The following TNFRSF21 variants were observed in gnomAD, a reference collection of about 807,000 sequenced individuals.
TNFRSF21 encodes TNF receptor superfamily member 21, also known as tumor necrosis factor receptor superfamily member 21.
A neutral mutation model predicts 45.6 loss-of-function variants in TNFRSF21; 19 were observed. That is an observed-to-expected ratio of 0.42 (90% CI 0.29 to 0.61). TNFRSF21 has a LOEUF of 0.61. TNFRSF21 is among the 20% of genes least tolerant of loss of function. TNFRSF21 has a pLI of 0.23. For missense variants in TNFRSF21, 737 were observed against 851.5 expected, an observed-to-expected ratio of 0.87 and a Z score of 1.67; for synonymous variants, 314 against 335.5, an observed-to-expected ratio of 0.94 and a Z score of 0.70.
At chr6:47,296,089 T>A (rs1245218533) in intron 1 of TNFRSF21, among the ~76,000 whole-genome samples, 1 of 152,200 alleles carries the variant, frequency 6.6e-6, no homozygotes, top group Non-Finnish European at 1.5e-5. Flanking sequence ...GACTTCTGCA[T>A]ACATGAAGAA....
chr6:47,287,461 T>C (rs999534687), intron 1 of TNFRSF21, among the ~76,000 whole-genome samples: 1 of 152,118 alleles, frequency 6.6e-6, no homozygotes, highest in Non-Finnish European at 1.5e-5. Flanking sequence ...CTTGCCCTGT[T>C]CTTGTCTTTA....
At chr6:47,235,370 A>G (rs1047485274) in intron 4 of TNFRSF21, among the ~76,000 whole-genome samples, 1 of 152,096 alleles carries the variant, frequency 6.6e-6, no homozygotes, top group Admixed American at 6.5e-5. Context: ...GGTTGGCTAC[A>G]CTCCGATATA....
intron 4 of TNFRSF21, among the ~76,000 whole-genome samples, chr6:47,241,425 T>C (rs778618261): frequency 2.6e-5 from 4 of 152,344 alleles, no homozygotes; most frequent in Middle Eastern, 3.4e-3. Context: ...GTGTGAATTC[T>C]TGTTCAATTC....
chr6:47,253,586 C>T, intron 3 of TNFRSF21, 65 bp from the exon 4 acceptor site: 2 of 1,556,290 alleles, frequency 1.3e-6, no homozygotes, highest in Non-Finnish European at 1.7e-6. Flanking sequence ...CATAAGGCAG[C>T]TCTGCTTTAA....
intron 2 of TNFRSF21, 95 bp downstream of exon 2, chr6:47,285,849 G>A (rs533978347): frequency 6.8e-5 from 94 of 1,388,838 alleles, no homozygotes; most frequent in Non-Finnish European, 7.6e-5. Context: ...TGGAATACAC[G>A]AAATGGAGAA....
intron 3 of TNFRSF21, among the ~76,000 whole-genome samples, chr6:47,254,537 A>T (rs1266807209): frequency 6.6e-6 from 1 of 152,174 alleles, no homozygotes; most frequent in Non-Finnish European, 1.5e-5. Context: ...CATTTAGAAA[A>T]AGGGAAGCTG....
At chr6:47,296,131 C>T (rs1016752701) in intron 1 of TNFRSF21, among the ~76,000 whole-genome samples, 1 of 152,116 alleles carries the variant, frequency 6.6e-6, no homozygotes. Context: ...TATTTAGTCA[C>T]TAAGCAGTAA....
rs756711716 is a variant in TNFRSF21 at position 47,232,959 on chromosome 6, C to T, written c.1774G>A (p.Asp592Asn). The change falls in exon 6 of 6, where the codon GAC (aspartate) becomes AAC (asparagine). Residue 592 changes from aspartate to asparagine, a missense_variant. Physicochemically the swap from Asp to Asn is conservative, Grantham distance 23. Transcript: ENST00000296861. ...AAGATAGGCTGCAAGTCACAGGGGT[C>T]CAGGCGTACCTGCCGCAACACTGTG... ...KDTVLRQVRL[D>N]PCDLQPIFDD... The T allele has an allele frequency of 6.2e-7, 1 of 1,614,162 alleles. No homozygotes were observed. The highest frequency in any genetic ancestry group is 1.1e-5 in the South Asian group (1 of 91,090).
intron 3 of TNFRSF21, among the ~76,000 whole-genome samples, chr6:47,269,800 C>G (rs1762385456): frequency 6.6e-6 from 1 of 152,190 alleles, no homozygotes; most frequent in Non-Finnish European, 1.5e-5. Flanking sequence ...GTTGTCATGG[C>G]TAAAGATATA....
chr6:47,241,314 G>T lies in TNFRSF21; in HGVS notation c.1510-6416C>A, dbSNP rs376952301. 6.0e-4 allele frequency among the ~76,000 whole-genome samples: 92 copies of T among 152,130 alleles called. 1 individual carries two copies. The highest frequency in any genetic ancestry group is 2.1e-3 in the African/African-American group (87 of 41,512). ...TAAGTTCGGACACTGTAAAATACTT[G>T]TATATAATGATTTCTCCCTTAAAAA... On this transcript the variant is annotated intron_variant, in intron 4 of 5. Transcript: ENST00000296861.
At chr6:47,277,869 A>G (rs565346227) in intron 3 of TNFRSF21, among the ~76,000 whole-genome samples, 48 of 151,810 alleles carry the variant, frequency 3.2e-4, no homozygotes, top group Admixed American at 6.6e-4. Context: ...TGCCTCCCTC[A>G]CTCCCACTTC....
At chr6:47,295,953 G>A (rs1050753140) in intron 1 of TNFRSF21, among the ~76,000 whole-genome samples, 4 of 152,226 alleles carry the variant, frequency 2.6e-5, no homozygotes, top group Admixed American at 6.5e-5. Context: ...AAAGCCATGT[G>A]AGACTTAACT....
intron 3 of TNFRSF21, among the ~76,000 whole-genome samples, chr6:47,282,639 C>T (rs1019934440): frequency 6.6e-6 from 1 of 152,116 alleles, no homozygotes; most frequent in Non-Finnish European, 1.5e-5. Flanking sequence ...ACACATAAAT[C>T]CCACCACACT....
At chr6:47,244,836 A>T (rs910444983) in intron 4 of TNFRSF21, among the ~76,000 whole-genome samples, 4 of 152,214 alleles carry the variant, frequency 2.6e-5, no homozygotes, top group African/African-American at 9.7e-5. Context: ...GCTGACCATG[A>T]TGCAATTCCT....
chr6:47,241,561 T>A (rs1764743274), intron 4 of TNFRSF21, among the ~76,000 whole-genome samples: 1 of 152,114 alleles, frequency 6.6e-6, no homozygotes, highest in African/African-American at 2.4e-5. Context: ...GGATTATCAG[T>A]TATAAGAAAT....
chr6:47,260,039 A>G (rs1554150523), intron 3 of TNFRSF21, among the ~76,000 whole-genome samples: 1 of 152,178 alleles, frequency 6.6e-6, no homozygotes, highest in Non-Finnish European at 1.5e-5. Flanking sequence ...AAAGACTCCT[A>G]GGGTGGCATA....
At chr6:47,259,350 CA>C (rs908579312) in intron 3 of TNFRSF21, among the ~76,000 whole-genome samples, 2 of 150,272 alleles carry the variant, frequency 1.3e-5, no homozygotes, top group African/African-American at 4.9e-5. Flanking sequence ...GGCTGATAGA[CA>C]GGGGCACAGA....
chr6:47,247,019 T>C (rs1030287566), intron 4 of TNFRSF21, among the ~76,000 whole-genome samples: 1 of 152,228 alleles, frequency 6.6e-6, no homozygotes, highest in African/African-American at 2.4e-5. Context: ...TGAAAGGCAT[T>C]GACCACTTTT....
intron 1 of TNFRSF21, among the ~76,000 whole-genome samples, chr6:47,296,263 G>T (rs561740980): frequency 6.6e-6 from 1 of 152,292 alleles, no homozygotes; most frequent in East Asian, 1.9e-4. Context: ...GGCCAGTGCA[G>T]CAACTCCAGC....
Sources: gnomAD v4.1 joint callset for allele counts (sites outside exome capture counted in the v4.1 genomes callset) on GRCh38, gnomAD v4.1.1 for gene constraint, MANE v1.5 for transcripts, NCBI Gene and HGNC (gene_info 2026-07-23, HGNC 2026-07-21) for gene names.